SEMA6A: variants seen among roughly 807,000 people sequenced by gnomAD.
SEMA6A encodes semaphorin-6A.
A neutral mutation model predicts 96.8 loss-of-function variants in SEMA6A; 25 were observed. The observed-to-expected ratio is 0.26, with a 90% CI of 0.19 to 0.36. The LOEUF (loss-of-function observed/expected upper bound fraction) is 0.36. Among genes scored for constraint, SEMA6A ranks in the 10% least tolerant of loss-of-function variants. The pLI, the probability that SEMA6A is intolerant of heterozygous loss-of-function variation, is 1.00. For missense variants in SEMA6A, 1,363 were observed against 1,323.1 expected, an observed-to-expected ratio of 1.03 and a Z score of -0.47; for synonymous variants, 612 against 518.0, an observed-to-expected ratio of 1.18 and a Z score of -2.46.
chr5:116,521,465 A>G (rs1758943901), intron 1 of SEMA6A, among the ~76,000 whole-genome samples: 1 of 152,222 alleles, frequency 6.6e-6, no homozygotes, highest in South Asian at 2.1e-4. Flanking sequence ...TCAGCCTAGT[A>G]TCCTGCAGTG....
rs1159823739 is a variant in SEMA6A, at chr5:116,491,526, C to A, written c.535+214G>T. On this transcript the variant is annotated intron_variant, in intron 7 of 18. Transcript: ENST00000343348. ...ACATGTTCAGCGCTATGCTGTTATC[C>A]TTTCCTGAAGGCACAAACACATGGG... is the stretch of plus-strand genomic sequence containing the variant. Among the ~76,000 whole-genome samples, 4 of 151,988 alleles carry A rather than the reference C, an allele frequency of 2.6e-5. No individual in the cohort carries two copies. In the East Asian group the frequency reaches 7.7e-4, roughly 29 times the overall value.
At chr5:116,524,859 A>G (rs1049672611) in intron 1 of SEMA6A, among the ~76,000 whole-genome samples, 1 of 135,062 alleles carries the variant, frequency 7.4e-6, no homozygotes, top group Admixed American at 7.7e-5. Flanking sequence ...ATGCTGTGTT[A>G]TAGCTATTGG....
At chr5:116,457,379 T>C (rs1370284450) in intron 18 of SEMA6A, among the ~76,000 whole-genome samples, 1 of 152,214 alleles carries the variant, frequency 6.6e-6, no homozygotes, top group Non-Finnish European at 1.5e-5. Flanking sequence ...TAATAAAGCA[T>C]TGTCAGTGGT....
chr5:116,452,132 A>ATTGGCT (rs1754679267), intron 18 of SEMA6A, among the ~76,000 whole-genome samples: 1 of 152,158 alleles, frequency 6.6e-6, no homozygotes, highest in African/African-American at 2.4e-5. Flanking sequence ...AGAGAGAACA[A>ATTGGCT]TCAGAGTTGG....
intron 1 of SEMA6A, among the ~76,000 whole-genome samples, chr5:116,545,049 T>C (rs1342650324): frequency 6.6e-6 from 1 of 152,174 alleles, no homozygotes; most frequent in Non-Finnish European, 1.5e-5. Context: ...GAGTCACCTC[T>C]GGTCACCTGC....
rs763179458 is a variant in SEMA6A at position 116,477,974 on chromosome 5, A to G, written c.1568+40T>C. On this transcript the variant is annotated intron_variant, in intron 14 of 18. Coordinates refer to ENST00000343348, the MANE Select transcript of SEMA6A (RefSeq NM_020796.5). ...AGCTACCTAGGACTGTTTCCTAGCCACCATGGACTTTCTAATTGTCAATGA... is the reference window on the plus strand; with the variant it reads ...AGCTACCTAGGACTGTTTCCTAGCCGCCATGGACTTTCTAATTGTCAATGA... The G allele has an allele frequency of 1.9e-6, 3 of 1,613,866 alleles. No homozygotes were observed. The South Asian group carries it at 3.3e-5, about 18-fold the overall frequency.
At chr5:116,563,943 T>G (rs1283792127) in intron 1 of SEMA6A, among the ~76,000 whole-genome samples, 3 of 152,232 alleles carry the variant, frequency 2.0e-5, no homozygotes, top group Admixed American at 2.0e-4. Flanking sequence ...TGGGAGATAA[T>G]TGAAGCCTCT....
intron 18 of SEMA6A, among the ~76,000 whole-genome samples, chr5:116,463,157 T>C (rs1015317623): frequency 1.3e-5 from 2 of 151,822 alleles, no homozygotes; most frequent in Non-Finnish European, 2.9e-5. Flanking sequence ...GTTTAGGGAG[T>C]TGTTAATGAG....
chr5:116,505,471 A>G (rs1353857045), intron 1 of SEMA6A, among the ~76,000 whole-genome samples: 2 of 151,870 alleles, frequency 1.3e-5, no homozygotes, highest in African/African-American at 2.4e-5. Context: ...ACACACACAC[A>G]CACACACACA....
chr5:116,507,078 C>T (rs1758175652), intron 1 of SEMA6A, among the ~76,000 whole-genome samples: 1 of 152,176 alleles, frequency 6.6e-6, no homozygotes, highest in East Asian at 1.9e-4. Flanking sequence ...ATCTGTTATG[C>T]AAGTCAGTGG....
chr5:116,453,785 G>A (rs112239712), intron 18 of SEMA6A, among the ~76,000 whole-genome samples: 2 of 152,100 alleles, frequency 1.3e-5, no homozygotes, highest in Admixed American at 6.5e-5. Flanking sequence ...TATTATTACT[G>A]TTTTTAAAAT....
chr5:116,512,805 G>A (rs961302754), intron 1 of SEMA6A, among the ~76,000 whole-genome samples: 4 of 152,064 alleles, frequency 2.6e-5, no homozygotes, highest in Non-Finnish European at 5.9e-5. Flanking sequence ...GGCCCACTGG[G>A]ACTCTGCTGC....
chr5:116,534,530 C>G (rs1163156805), intron 1 of SEMA6A, among the ~76,000 whole-genome samples: 2 of 152,220 alleles, frequency 1.3e-5, no homozygotes, highest in African/African-American at 4.8e-5. Flanking sequence ...CTGGCTTCTC[C>G]ACCTTCAGGT....
At chr5:116,453,603 A>T (rs1754788410) in intron 18 of SEMA6A, among the ~76,000 whole-genome samples, 1 of 152,214 alleles carries the variant, frequency 6.6e-6, no homozygotes, top group Non-Finnish European at 1.5e-5. Context: ...GAGGTTTAGA[A>T]GATCTGCCAC....
intron 18 of SEMA6A, among the ~76,000 whole-genome samples, chr5:116,456,012 A>G (rs1754988608): frequency 6.6e-6 from 1 of 152,236 alleles, no homozygotes; most frequent in Non-Finnish European, 1.5e-5. Context: ...CAGTATTTCT[A>G]GAATGTTTGA....
chr5:116,502,333 A>T lies in SEMA6A; in HGVS notation c.101-6T>A. 1 of 1,612,830 alleles carries T rather than the reference A, an allele frequency of 6.2e-7. No individual in the cohort carries two copies. The highest frequency in any genetic ancestry group is 8.5e-7 in the Non-Finnish European group (1 of 1,178,870). On this transcript the variant is annotated splice_polypyrimidine_tract_variant and splice_region_variant and intron_variant, in intron 2 of 18. Coordinates refer to ENST00000343348, the MANE Select transcript of SEMA6A (RefSeq NM_020796.5). The stretch of plus-strand genomic sequence containing the variant: ...CACCGGATACTGTTTTGTATCTGTG[A>T]AAAGAGGAGATGGGGCAAGAAAGGA...
In SEMA6A at chr5:116,477,997, T is replaced by C. The variant is rs113925316; in HGVS notation, c.1568+17A>G. 23 of 1,613,844 alleles carry C rather than the reference T, an allele frequency of 1.4e-5. No homozygotes were observed. In the African/African-American group the frequency reaches 1.9e-4, roughly 13 times the overall value. On this transcript the variant is annotated intron_variant, in intron 14 of 18. Transcript: ENST00000343348. ...CCACCATGGACTTTCTAATTGTCAA[T>C]GAGGCAAAATACATACTTTTTACAC...
chr5:116,490,569 C>A (rs755291149), intron 7 of SEMA6A, among the ~76,000 whole-genome samples: 13 of 152,184 alleles, frequency 8.5e-5, no homozygotes, highest in Non-Finnish European at 7.3e-5. Context: ...GTCTACAAGA[C>A]TTTGTATTCT....
At chr5:116,491,951 C>T (rs895575848) in intron 6 of SEMA6A, 121 bp from the exon 7 acceptor site, 1 of 716,134 alleles carries the variant, frequency 1.4e-6, no homozygotes, top group Non-Finnish European at 2.4e-6. Flanking sequence ...GAGATGGACC[C>T]TGTTGAAGCC....
Sources: allele counts gnomAD v4.1 joint callset (sites outside exome capture counted in the v4.1 genomes callset), GRCh38; gene constraint gnomAD v4.1.1; transcripts MANE v1.5; gene names NCBI Gene and HGNC (gene_info 2026-07-23, HGNC 2026-07-21).